ZFAT: variants seen among roughly 807,000 people sequenced by gnomAD.
The protein encoded by ZFAT is zinc finger protein ZFAT.
Under a neutral mutation model 117.7 loss-of-function variants are expected in ZFAT, and 64 were observed. That is an observed-to-expected ratio of 0.54 (90% CI 0.44 to 0.67). ZFAT has a LOEUF of 0.67. Among genes scored for constraint, ZFAT ranks in the 30% least tolerant of loss-of-function variants. The pLI is 0.00. For synonymous variants in ZFAT, 679 were observed against 615.0 expected (o/e 1.10, Z -1.54); for missense variants, 1,433 against 1,584.5 (o/e 0.90, Z 1.62).
At chr8:134,708,078 A>G (rs12334674) in intron 1 of ZFAT, among the ~76,000 whole-genome samples, 4,523 of 152,334 alleles carry the variant, frequency 0.03, 226 homozygotes, top group African/African-American at 0.1. Context: ...TAAGTAAAAT[A>G]TGCCAGCACA....
At chr8:134,735,515 A>G in the ZFAT span, among the ~76,000 whole-genome samples, 3 of 152,218 alleles carry the variant, frequency 2.0e-5, no homozygotes, top group African/African-American at 4.8e-5. Flanking sequence ...GTACTTGACT[A>G]TTTGGTATTT....
chr8:134,772,956 G>A, the ZFAT span, among the ~76,000 whole-genome samples: 2 of 152,044 alleles, frequency 1.3e-5, no homozygotes, highest in African/African-American at 2.4e-5. Context: ...GCCTGGCATA[G>A]CAGCATACAC....
At chr8:134,522,420 TCCAAGCATC>T (rs1820730658) in intron 12 of ZFAT, among the ~76,000 whole-genome samples, 1 of 152,234 alleles carries the variant, frequency 6.6e-6, no homozygotes, top group Non-Finnish European at 1.5e-5. Context: ...TGGGGCTAAA[TCCAAGCATC>T]CCACTCTGAC....
the ZFAT span, chr8:134,797,424 A>G: frequency 1.3e-5 from 2 of 152,150 alleles, no homozygotes; most frequent in African/African-American, 4.8e-5. Context: ...ATTTGCACAG[A>G]AAACAAGTGG....
chr8:134,747,165 T>A, the ZFAT span, among the ~76,000 whole-genome samples: 1 of 152,142 alleles, frequency 6.6e-6, no homozygotes, highest in Non-Finnish European at 1.5e-5. Flanking sequence ...CATGGCTCAC[T>A]GCAGCCTCGA....
At chr8:134,671,039 C>G (rs1832536150) in intron 1 of ZFAT, among the ~76,000 whole-genome samples, 3 of 152,110 alleles carry the variant, frequency 2.0e-5, no homozygotes, top group Admixed American at 2.0e-4. Flanking sequence ...TACACCCTCC[C>G]AAGAGTAAAC....
chr8:134,799,559 T>G, the ZFAT span, among the ~76,000 whole-genome samples: 1 of 152,218 alleles, frequency 6.6e-6, no homozygotes, highest in African/African-American at 2.4e-5. Flanking sequence ...TTTTAAATTG[T>G]TACCTCATTT....
At chr8:134,510,839 G>A (rs1163979550) in intron 14 of ZFAT, 1 of 152,340 alleles carries the variant, frequency 6.6e-6, no homozygotes, top group African/African-American at 2.4e-5. Context: ...CTCCTCCCAG[G>A]GCTCACAACC....
chr8:134,619,669 A>C (rs1172312959), intron 3 of ZFAT, among the ~76,000 whole-genome samples: 2 of 152,208 alleles, frequency 1.3e-5, no homozygotes, highest in Non-Finnish European at 2.9e-5. Flanking sequence ...AAGGGCCTCC[A>C]ACCTCACACA....
At chr8:134,700,815 A>T (rs891207056) in intron 1 of ZFAT, among the ~76,000 whole-genome samples, 7 of 152,084 alleles carry the variant, frequency 4.6e-5, no homozygotes, top group Non-Finnish European at 1.0e-4. Flanking sequence ...CATGTCACTG[A>T]TCCCCCTACT....
chr8:134,791,796 C>G, the ZFAT span, among the ~76,000 whole-genome samples: 1 of 152,092 alleles, frequency 6.6e-6, no homozygotes, highest in East Asian at 1.9e-4. Context: ...TCTCTTACAG[C>G]TAAAAGATAG....
intron 12 of ZFAT, among the ~76,000 whole-genome samples, chr8:134,528,987 A>T (rs1788875592): frequency 6.6e-6 from 1 of 152,176 alleles, no homozygotes; most frequent in Non-Finnish European, 1.5e-5. Flanking sequence ...TCAAGAACTT[A>T]CTGTCGGCAC....
chr8:134,764,843 G>C, the ZFAT span: 1 of 152,108 alleles, frequency 6.6e-6, no homozygotes, highest in Non-Finnish European at 1.5e-5. Flanking sequence ...CCCATCTGCT[G>C]TGTCCATCTA....
intron 1 of ZFAT, among the ~76,000 whole-genome samples, chr8:134,680,800 G>A (rs1244370902): frequency 1.3e-5 from 2 of 152,112 alleles, no homozygotes; most frequent in South Asian, 2.1e-4. Flanking sequence ...ACTATCTACC[G>A]AAAAATGATT....
At position 134,692,906 on chromosome 8, in the gene ZFAT, G is replaced by T. The variant is rs116414197; in HGVS notation, c.19+19939C>A. On this transcript the variant is annotated intron_variant, in intron 1 of 15. Coordinates refer to ENST00000377838, the MANE Select transcript of ZFAT (RefSeq NM_020863.4). ...ACTATATTATGGATAGTGAGATCCA[G>T]ATTTTTCTTTGTCAGAGAAGGGAGT... Among the ~76,000 whole-genome samples the T allele has an allele frequency of 4.2e-3, 643 of 152,342 alleles. 5 individuals carry two copies. Among genetic ancestry groups the T allele is most frequent in the African/African-American group, 0.015 (610 of 41,580 alleles).
intron 15 of ZFAT, among the ~76,000 whole-genome samples, chr8:134,483,602 CCT>C (rs1431633935): frequency 4.6e-5 from 7 of 152,200 alleles, no homozygotes; most frequent in African/African-American, 1.7e-4. Context: ...GTCATTATCC[CCT>C]GAGATGAGTA....
intron 11 of ZFAT, among the ~76,000 whole-genome samples, chr8:134,561,992 G>A (rs1429663336): frequency 3.9e-5 from 6 of 152,038 alleles, no homozygotes; most frequent in Admixed American, 3.3e-4. Context: ...GACTGCAGGC[G>A]GTATTAAGGT....
At chr8:134,607,540 G>A (rs181478447) in intron 5 of ZFAT, among the ~76,000 whole-genome samples, 1 of 152,286 alleles carries the variant, frequency 6.6e-6, no homozygotes, top group East Asian at 1.9e-4. Context: ...ATCAGGGCAG[G>A]GGCTGCAACT....
Position 134,657,544 on chromosome 8 carries a change from C to T in ZFAT, c.196+17G>A, listed in dbSNP as rs1290778255. 2 of 1,582,042 alleles carry T rather than the reference C, an allele frequency of 1.3e-6. No homozygotes were observed. The highest frequency in any genetic ancestry group is 8.6e-7 in the Non-Finnish European group (1 of 1,160,816). On this transcript the variant is annotated intron_variant, in intron 2 of 15. Transcript: ENST00000377838. Reference sequence around the variant, plus strand: ...GTGTGTCAGAAGGTATCCTGCCCCACCCCCCAGCCCCCTTACCATCTCCGG... The same window carrying T: ...GTGTGTCAGAAGGTATCCTGCCCCATCCCCCAGCCCCCTTACCATCTCCGG...
Sources: gnomAD v4.1 joint callset for allele counts (sites outside exome capture counted in the v4.1 genomes callset) on GRCh38, gnomAD v4.1.1 for gene constraint, MANE v1.5 for transcripts, NCBI Gene and HGNC (gene_info 2026-07-23, HGNC 2026-07-21) for gene names.